The following HEMK2 variants were observed in gnomAD, a reference collection of about 807,000 sequenced individuals.
HEMK2 encodes methyltransferase HEMK2.
the HEMK2 span, among the ~76,000 whole-genome samples, chr21:28,580,765 T>C: frequency 6.6e-6 from 1 of 152,164 alleles, no homozygotes; most frequent in Admixed American, 6.5e-5. Context: ...AAACACTTAT[T>C]GTCTCCCCTG....
At chr21:28,759,267 G>A in the HEMK2 span, among the ~76,000 whole-genome samples, 450 of 152,294 alleles carry the variant, frequency 3.0e-3, no homozygotes, top group Middle Eastern at 0.024. Context: ...GAGACATGGA[G>A]TCAAAGGAGC....
At chr21:28,873,429 A>G in the HEMK2 span, 1 of 152,250 alleles carries the variant, frequency 6.6e-6, no homozygotes, top group African/African-American at 2.4e-5. Flanking sequence ...GTAACTGGTC[A>G]TATGATCAAA....
chr21:28,885,310 C>T, the HEMK2 span: 9 of 1,588,176 alleles, frequency 5.7e-6, no homozygotes, highest in South Asian at 8.9e-5. Context: ...GGCCCACGTG[C>T]CCGTGGAACG....
the HEMK2 span, among the ~76,000 whole-genome samples, chr21:28,651,192 A>C: frequency 6.6e-6 from 1 of 152,202 alleles, no homozygotes; most frequent in Non-Finnish European, 1.5e-5. Context: ...CAGCTGTCAA[A>C]TACCAGTCAC....
the HEMK2 span, among the ~76,000 whole-genome samples, chr21:28,716,213 A>G: frequency 6.6e-6 from 1 of 152,174 alleles, no homozygotes; most frequent in Admixed American, 6.5e-5. Context: ...GAATCTGTAC[A>G]TTACTTTGGC....
the HEMK2 span, among the ~76,000 whole-genome samples, chr21:28,723,866 A>C: frequency 2.0e-5 from 3 of 152,212 alleles, no homozygotes; most frequent in Non-Finnish European, 4.4e-5. Flanking sequence ...CTGCCTTGCC[A>C]TGGTGTGTCT....
At chr21:28,684,843 A>T in the HEMK2 span, among the ~76,000 whole-genome samples, 2 of 152,224 alleles carry the variant, frequency 1.3e-5, no homozygotes, top group African/African-American at 2.4e-5. Flanking sequence ...CTATTCTACA[A>T]GGAATGGTTA....
the HEMK2 span, among the ~76,000 whole-genome samples, chr21:28,855,707 A>T: frequency 6.6e-6 from 1 of 152,254 alleles, no homozygotes; most frequent in Non-Finnish European, 1.5e-5. Flanking sequence ...CAATACTAAG[A>T]AAATCATATA....
the HEMK2 span, among the ~76,000 whole-genome samples, chr21:28,668,032 A>G: frequency 0.017 from 2,536 of 152,300 alleles, 72 homozygotes; most frequent in African/African-American, 0.056. Context: ...GGGAAAATTT[A>G]GTATCAAGAA....
At chr21:28,858,468 G>A in the HEMK2 span, among the ~76,000 whole-genome samples, 1 of 151,968 alleles carries the variant, frequency 6.6e-6, no homozygotes, top group Admixed American at 6.6e-5. Context: ...TATCCTTCCC[G>A]TTTCAGGAGA....
At chr21:28,660,232 A>G in the HEMK2 span, among the ~76,000 whole-genome samples, 2 of 151,836 alleles carry the variant, frequency 1.3e-5, no homozygotes, top group Non-Finnish European at 2.9e-5. Context: ...AAAACTTAAT[A>G]TCATCTGTGA....
chr21:28,839,248 A>G, the HEMK2 span, among the ~76,000 whole-genome samples: 1 of 152,056 alleles, frequency 6.6e-6, no homozygotes, highest in East Asian at 1.9e-4. Flanking sequence ...ATCTACAACA[A>G]ACTCACAGCC....
At chr21:28,761,060 T>C in the HEMK2 span, among the ~76,000 whole-genome samples, 64 of 152,134 alleles carry the variant, frequency 4.2e-4, no homozygotes, top group Non-Finnish European at 5.4e-4. Context: ...TTTTGCTTTG[T>C]TCTGAGGGGA....
chr21:28,842,545 C>T, the HEMK2 span, among the ~76,000 whole-genome samples: 2 of 152,054 alleles, frequency 1.3e-5, no homozygotes, highest in East Asian at 3.9e-4. Context: ...GAGGGTAGAC[C>T]CAGACGATAC....
At chr21:28,591,377 A>C in the HEMK2 span, among the ~76,000 whole-genome samples, 2 of 152,186 alleles carry the variant, frequency 1.3e-5, no homozygotes, top group Non-Finnish European at 2.9e-5. Context: ...CATGCCTGGC[A>C]CAACTTCTGG....
the HEMK2 span, among the ~76,000 whole-genome samples, chr21:28,785,680 A>G: frequency 1.4e-4 from 22 of 152,178 alleles, no homozygotes; most frequent in Non-Finnish European, 2.9e-4. Context: ...CTGCTGGAGA[A>G]TAAGGGGCAT....
the HEMK2 span, among the ~76,000 whole-genome samples, chr21:28,621,010 GT>G: frequency 6.7e-6 from 1 of 149,310 alleles, no homozygotes; most frequent in Non-Finnish European, 1.5e-5. Flanking sequence ...GGTCTATCTA[GT>G]TGGTTAATCT....
the HEMK2 span, among the ~76,000 whole-genome samples, chr21:28,676,965 C>A: frequency 6.6e-5 from 10 of 152,194 alleles, no homozygotes; most frequent in Non-Finnish European, 1.3e-4. Flanking sequence ...CAGCTCCCAG[C>A]GTGAGCGACG....
chr21:28,808,520 C>T, the HEMK2 span, among the ~76,000 whole-genome samples: 1 of 151,368 alleles, frequency 6.6e-6, no homozygotes, highest in African/African-American at 2.4e-5. Context: ...AATCCATGAA[C>T]ATGGTATATC....
Sources: allele counts gnomAD v4.1 joint callset (sites outside exome capture counted in the v4.1 genomes callset), GRCh38; gene constraint gnomAD v4.1.1; transcripts MANE v1.5; gene names NCBI Gene and HGNC (gene_info 2026-07-23, HGNC 2026-07-21).